Variants in SUPT20H observed in about 807,000 individuals in gnomAD.
SUPT20H encodes SPT20 homolog, SAGA complex component.
SUPT20H carries 82 observed loss-of-function variants against 122.8 expected under a neutral mutation model. That is an observed-to-expected ratio of 0.67 (90% confidence interval 0.56 to 0.80). SUPT20H has a LOEUF of 0.80. Among genes scored for constraint, SUPT20H ranks in the 30% least tolerant of loss-of-function variants. The pLI is 0.00. For missense variants in SUPT20H, 831 were observed against 921.6 expected, an observed-to-expected ratio of 0.90 and a Z score of 1.27; for synonymous variants, 291 against 313.0, an observed-to-expected ratio of 0.93 and a Z score of 0.74.
At chr13:37,026,681 T>C (rs2062341246) in intron 15 of SUPT20H, 109 bp downstream of exon 15, 1 of 653,070 alleles carries the variant, frequency 1.5e-6, no homozygotes, top group Non-Finnish European at 2.5e-6. Flanking sequence ...TCAAACAAAG[T>C]ATACATATTT....
rs1199962 is a variant in SUPT20H at position 37,059,687 on chromosome 13, T to G, written c.-222A>C. On this transcript the variant is annotated 5_prime_UTR_variant, in exon 1 of 26. Coordinates refer to ENST00000350612, the MANE Select transcript of SUPT20H (RefSeq NM_001014286.3). ...CCAGTTCCGGCGGCCGCACTTCCGATTGGCAGGCTGGGCCGAGGGGCGGGG... is the reference window on the plus strand; with the variant it reads ...CCAGTTCCGGCGGCCGCACTTCCGAGTGGCAGGCTGGGCCGAGGGGCGGGG... The G allele has an allele frequency of 6.6e-6, 1 of 152,596 alleles. No homozygotes were observed. The highest frequency in any genetic ancestry group is 1.9e-4 in the East Asian group (1 of 5,208). The allele number at this position is 152,596 out of a possible 1,614,324, so 9.5% of individuals were successfully genotyped here. A position where few individuals can be genotyped will look rare whatever the true frequency, so the allele number is the denominator to read the frequency against.
chr13:37,035,165 A>G (rs556957079), intron 9 of SUPT20H, among the ~76,000 whole-genome samples: 4 of 152,342 alleles, frequency 2.6e-5, no homozygotes, highest in Admixed American at 6.5e-5. Flanking sequence ...TAATATTTAA[A>G]AAATGTATTT....
intron 1 of SUPT20H, among the ~76,000 whole-genome samples, chr13:37,053,294 C>T (rs1186548047): frequency 6.6e-6 from 1 of 152,082 alleles, no homozygotes; most frequent in Admixed American, 6.5e-5. Flanking sequence ...CAATGATAGA[C>T]TGGATAAAGA....
chr13:37,031,398 G>A (rs1038818047), intron 12 of SUPT20H, among the ~76,000 whole-genome samples, 169 bp downstream of exon 12: 2 of 151,742 alleles, frequency 1.3e-5, no homozygotes, highest in Non-Finnish European at 2.9e-5. Context: ...ATCATTTTTC[G>A]ATGTTTTTTG....
At chr13:37,029,638 C>T (rs2062946007) in intron 13 of SUPT20H, 127 bp downstream of exon 13, 1 of 705,034 alleles carries the variant, frequency 1.4e-6, no homozygotes, top group Non-Finnish European at 2.3e-6. Context: ...AAACTGAACT[C>T]GCAGAAACTA....
At chr13:37,038,010 T>C (rs750571821) in intron 9 of SUPT20H, 1 of 151,964 alleles carries the variant, frequency 6.6e-6, no homozygotes, top group Non-Finnish European at 1.5e-5. Context: ...TAGTTACAAC[T>C]AGTGGCTTGA....
At position 37,025,328 on chromosome 13, in the gene SUPT20H, C is replaced by G. The variant is rs1274082975; in HGVS notation, c.1321G>C (p.Glu441Gln). 7 of 1,611,330 alleles carry G rather than the reference C, an allele frequency of 4.3e-6. No individual in the cohort carries two copies. Among genetic ancestry groups the G allele is most frequent in the Non-Finnish European group, 5.9e-6 (7 of 1,177,536 alleles). Residue 441 changes from glutamate (E) to glutamine (Q), a missense_variant, in exon 17 of 26, where the codon GAA becomes CAA. Transcript: ENST00000350612. ...ASLSQVSPGK[E>Q]TDQTETVSVQ... ...ACATTAATGAAACACACATCTGTTT[C>G]TTTCCCTGGAGAAACCTGACTCAGA...
intron 9 of SUPT20H, among the ~76,000 whole-genome samples, chr13:37,034,851 C>T (rs1313574090): frequency 6.6e-6 from 1 of 152,192 alleles, no homozygotes; most frequent in African/African-American, 2.4e-5. Flanking sequence ...CTTATTTGAC[C>T]ATTCTGAAAA....
intron 25 of SUPT20H, 109 bp downstream of exon 25, chr13:37,010,443 A>G: frequency 1.1e-6 from 1 of 945,124 alleles, no homozygotes; most frequent in Non-Finnish European, 1.6e-6. Flanking sequence ...TTTACCAATT[A>G]CTGTACAGTC....
intron 19 of SUPT20H, chr13:37,023,143 C>A: frequency 1.9e-6 from 2 of 1,066,528 alleles, no homozygotes; most frequent in East Asian, 6.2e-5. Flanking sequence ...TAATCCATAC[C>A]CACAACATAA....
At chr13:37,046,765 GTAC>G (rs2066529179) in intron 5 of SUPT20H, 1 of 152,020 alleles carries the variant, frequency 6.6e-6, no homozygotes, top group Non-Finnish European at 1.5e-5. Context: ...CTATAAACAT[GTAC>G]AATTTATTGT....
At chr13:37,029,254 C>T (rs949665811) in intron 13 of SUPT20H, among the ~76,000 whole-genome samples, 4 of 152,162 alleles carry the variant, frequency 2.6e-5, no homozygotes, top group Admixed American at 6.6e-5. Flanking sequence ...TAAGGCTGGG[C>T]GCAGTGGCTC....
chr13:37,014,791 A>G (rs558731745), intron 23 of SUPT20H, among the ~76,000 whole-genome samples: 1 of 152,296 alleles, frequency 6.6e-6, no homozygotes, highest in South Asian at 2.1e-4. Context: ...GAAACTACAA[A>G]CTATCATCCA....
Position 37,022,021 on chromosome 13 carries a change from C to A in SUPT20H, c.1651G>T (p.Gly551Cys). Residue 551 changes from glycine to cysteine, a missense_variant, in exon 20 of 26, where the codon GGC (glycine) becomes TGC (cysteine). Physicochemically the swap from Gly to Cys is radical, Grantham distance 159 (BLOSUM62 -3). Transcript: ENST00000350612. This position sits in a 1 kb window ranked among gnomAD's most constrained non-coding sequence, Gnocchi z 4.5. ...TCAATGCAAACTTACCAAACAGAGCCCACTACATTGATGAAGTTAAGTCCA... is the reference window on the plus strand; with the variant it reads ...TCAATGCAAACTTACCAAACAGAGCACACTACATTGATGAAGTTAAGTCCA... ...SAGLNFINVV[G>C]SVCGAQALMS... 6.2e-7 allele frequency: 1 copy of A among 1,602,034 alleles called. No homozygotes were observed. Among genetic ancestry groups the A allele is most frequent in the Non-Finnish European group, 8.5e-7 (1 of 1,171,684 alleles).
intron 19 of SUPT20H, among the ~76,000 whole-genome samples, chr13:37,023,333 TA>T (rs1285221867): frequency 6.6e-6 from 1 of 152,180 alleles, no homozygotes; most frequent in Admixed American, 6.5e-5. Flanking sequence ...ATAAAAAATC[TA>T]AAAAACTGGA....
chr13:37,031,473 G>GT (rs1230778862), intron 12 of SUPT20H, 94 bp downstream of exon 12: 1 of 775,538 alleles, frequency 1.3e-6, no homozygotes, highest in Non-Finnish European at 1.9e-6. Flanking sequence ...TGTTTTTAAA[G>GT]TAAGTTTTTT....
Position 37,022,571 on chromosome 13 carries a change from T to C in SUPT20H, c.1592-491A>G. 4.2e-6 allele frequency: 5 copies of C among 1,177,408 alleles called. No homozygotes were observed. The highest frequency in any genetic ancestry group is 5.2e-6 in the Non-Finnish European group (5 of 953,622). 72.9% of individuals were successfully genotyped at this position (1,177,408 alleles called of 1,614,324 possible). A position where few individuals can be genotyped will look rare whatever the true frequency, so the allele number is the denominator to read the frequency against. On this transcript the variant is annotated intron_variant, in intron 19 of 25. Coordinates refer to ENST00000350612, the MANE Select transcript of SUPT20H (RefSeq NM_001014286.3). The surrounding 1 kb of genome is among the most constrained non-coding windows in gnomAD (Gnocchi z 4.5). ...GTAACAGTAAAAATATACAGTTATA[T>C]TCTACCACAATACCCATTTAAAAGT...
chr13:37,021,471 G>A lies in SUPT20H; in HGVS notation c.1793C>T (p.Ala598Val). 1 of 1,613,490 alleles carries A rather than the reference G, an allele frequency of 6.2e-7. No homozygotes were observed. Among genetic ancestry groups the A allele is most frequent in the Non-Finnish European group, 8.5e-7 (1 of 1,179,770 alleles). Residue 598 changes from alanine to valine, a missense_variant, in exon 21 of 26, where the codon GCA (alanine) becomes GTA (valine). By Grantham distance (64) the Ala-to-Val change is moderately conservative. Coordinates refer to ENST00000350612, the MANE Select transcript of SUPT20H (RefSeq NM_001014286.3). The stretch of plus-strand genomic sequence containing the variant: ...ACCTGCTTGAGAAGCTGCCTGCATT[G>A]CACTGGGCAGTGCATTTGGTAGCAG... Reference protein sequence around the residue: ...GGLLPNALPSAMQAASQAGVP... With the variant: ...GGLLPNALPSVMQAASQAGVP...
intron 12 of SUPT20H, among the ~76,000 whole-genome samples, chr13:37,030,531 T>C (rs2063113148): frequency 6.6e-6 from 1 of 152,310 alleles, no homozygotes; most frequent in South Asian, 2.1e-4. Context: ...AGGTGATTCT[T>C]CTGATTGAGC....
Sources: gnomAD v4.1 joint callset for allele counts (sites outside exome capture counted in the v4.1 genomes callset) on GRCh38, gnomAD v4.1.1 for gene constraint, Gnocchi (gnomAD v3.1) non-coding constraint, MANE v1.5 for transcripts, NCBI Gene and HGNC (gene_info 2026-07-23, HGNC 2026-07-21) for gene names.